The following CNTNAP2 variants were observed in gnomAD, a reference collection of about 807,000 sequenced individuals.
CNTNAP2 encodes contactin associated protein 2, also known as contactin-associated protein-like 2.
CNTNAP2 carries 98 observed loss-of-function variants against 155.2 expected under a neutral mutation model. That is an observed-to-expected ratio of 0.63 (90% CI 0.54 to 0.75). The LOEUF (loss-of-function observed/expected upper bound fraction) is 0.75, where lower values mean the gene tolerates loss of function less well. Among genes scored for constraint, CNTNAP2 ranks in the 30% least tolerant of loss-of-function variants. CNTNAP2 has a pLI of 0.00. For missense variants in CNTNAP2, 1,727 were observed against 1,688.1 expected (o/e 1.02, Z -0.40); for synonymous variants, 651 against 631.2 (o/e 1.03, Z -0.47).
At chr7:147,860,061 G>A (rs546571831) in intron 13 of CNTNAP2, among the ~76,000 whole-genome samples, 5 of 152,186 alleles carry the variant, frequency 3.3e-5, no homozygotes, top group South Asian at 2.1e-4. Flanking sequence ...AGGTGATTGG[G>A]TCATGGGGGC....
chr7:146,567,152 T>C (rs1798369780), intron 1 of CNTNAP2, among the ~76,000 whole-genome samples: 1 of 152,184 alleles, frequency 6.6e-6, no homozygotes, highest in African/African-American at 2.4e-5. Context: ...ATAAACAGTA[T>C]AGGAACAACA....
chr7:148,216,776 T>C (rs1171206635), intron 18 of CNTNAP2, among the ~76,000 whole-genome samples: 1 of 152,228 alleles, frequency 6.6e-6, no homozygotes, highest in Non-Finnish European at 1.5e-5. Context: ...GTAGTTCCCA[T>C]AATCCCCTCA....
At chr7:146,753,698 C>G (rs1443006314) in intron 1 of CNTNAP2, among the ~76,000 whole-genome samples, 1 of 151,938 alleles carries the variant, frequency 6.6e-6, no homozygotes, top group Admixed American at 6.6e-5. Context: ...TCTTGGTATT[C>G]AAACCATTTT....
At chr7:148,214,176 T>G (rs1307403625) in intron 18 of CNTNAP2, among the ~76,000 whole-genome samples, 2 of 152,214 alleles carry the variant, frequency 1.3e-5, no homozygotes, top group Non-Finnish European at 2.9e-5. Context: ...CTCTGCATTC[T>G]AATAATCTGT....
intron 15 of CNTNAP2, among the ~76,000 whole-genome samples, chr7:148,097,992 C>G (rs1002732660): frequency 6.6e-6 from 1 of 151,980 alleles, no homozygotes; most frequent in Non-Finnish European, 1.5e-5. Context: ...AGAGAATGAC[C>G]AAAGATGACT....
At chr7:146,755,085 G>A (rs998231075) in intron 1 of CNTNAP2, among the ~76,000 whole-genome samples, 2 of 151,894 alleles carry the variant, frequency 1.3e-5, no homozygotes, top group Non-Finnish European at 2.9e-5. Context: ...CTCCTGCAAT[G>A]GGATTGATTT....
At chr7:146,504,313 C>A (rs1034335735) in intron 1 of CNTNAP2, among the ~76,000 whole-genome samples, 5 of 152,302 alleles carry the variant, frequency 3.3e-5, no homozygotes, top group African/African-American at 1.2e-4. Flanking sequence ...AGGCCAGAGC[C>A]CAGAGACACC....
At chr7:147,985,502 A>T (rs1219213236) in intron 15 of CNTNAP2, among the ~76,000 whole-genome samples, 2 of 134,298 alleles carry the variant, frequency 1.5e-5, no homozygotes, top group Admixed American at 8.8e-5. Context: ...ACTTACTCTT[A>T]CATGAAGGGC....
In CNTNAP2 at chr7:148,163,138, T is replaced by C. The variant is rs1056364445; in HGVS notation, c.2774-9104T>C. Among the ~76,000 whole-genome samples, 11 of 152,320 alleles carry C rather than the reference T, an allele frequency of 7.2e-5. 1 individual carries two copies. The highest frequency in any genetic ancestry group is 5.9e-4 in the Admixed American group (9 of 15,304). On this transcript the variant is annotated intron_variant, in intron 17 of 23. Transcript: ENST00000361727. ...TCAGACGTAGGAGAAGAAAGTGCCT[T>C]ATATGATGTAAGCCCAAAAATCAAA...
intron 18 of CNTNAP2, among the ~76,000 whole-genome samples, chr7:148,186,589 C>T (rs1238940747): frequency 6.6e-6 from 1 of 152,288 alleles, no homozygotes; most frequent in African/African-American, 2.4e-5. Flanking sequence ...TCATCCTGAA[C>T]CATCATCTCT....
At chr7:147,814,575 C>T (rs1364490942) in intron 13 of CNTNAP2, among the ~76,000 whole-genome samples, 1 of 152,156 alleles carries the variant, frequency 6.6e-6, no homozygotes, top group Admixed American at 6.5e-5. Flanking sequence ...CCCTTTAAAA[C>T]CTTCATTTTA....
intron 11 of CNTNAP2, among the ~76,000 whole-genome samples, chr7:147,499,747 T>A (rs539133298): frequency 6.6e-6 from 1 of 151,206 alleles, no homozygotes; most frequent in Admixed American, 6.6e-5. Flanking sequence ...GTTAGGAGAG[T>A]GGGTGGGGAG....
At chr7:146,886,640 A>G (rs182924186) in intron 3 of CNTNAP2, among the ~76,000 whole-genome samples, 16 of 151,876 alleles carry the variant, frequency 1.1e-4, no homozygotes, top group African/African-American at 3.4e-4. Context: ...AGGCATTTCA[A>G]ATTTTGTAAC....
At chr7:147,365,782 T>A (rs2116904652) in intron 9 of CNTNAP2, among the ~76,000 whole-genome samples, 1 of 152,356 alleles carries the variant, frequency 6.6e-6, no homozygotes, top group Middle Eastern at 3.4e-3. Context: ...AGTCACCCAC[T>A]GTTTCCCATT....
intron 15 of CNTNAP2, among the ~76,000 whole-genome samples, chr7:148,104,516 G>A (rs1804169799): frequency 6.6e-6 from 1 of 152,204 alleles, no homozygotes; most frequent in Non-Finnish European, 1.5e-5. Context: ...CAGTGGTGGA[G>A]TGTAGCTAAA....
intron 8 of CNTNAP2, among the ~76,000 whole-genome samples, chr7:147,261,112 C>T (rs917548376): frequency 8.5e-5 from 13 of 152,218 alleles, no homozygotes; most frequent in African/African-American, 2.7e-4. Flanking sequence ...TAATATTATG[C>T]TTCTAGCTTT....
intron 10 of CNTNAP2, among the ~76,000 whole-genome samples, chr7:147,477,921 TA>T (rs1280523911): frequency 6.6e-6 from 1 of 152,252 alleles, no homozygotes; most frequent in African/African-American, 2.4e-5. Context: ...ATGTAATAAT[TA>T]ATACATTTTG....
At chr7:147,286,542 T>C (rs893499472) in intron 8 of CNTNAP2, among the ~76,000 whole-genome samples, 1 of 152,044 alleles carries the variant, frequency 6.6e-6, no homozygotes, top group Non-Finnish European at 1.5e-5. Flanking sequence ...GAAATGATAA[T>C]ATATGCATTA....
At chr7:146,717,099 G>C (rs1801201893) in intron 1 of CNTNAP2, among the ~76,000 whole-genome samples, 1 of 152,070 alleles carries the variant, frequency 6.6e-6, no homozygotes, top group East Asian at 1.9e-4. Flanking sequence ...ATTTCCTTAA[G>C]AGAGGTTATA....
Sources: allele counts gnomAD v4.1 joint callset (sites outside exome capture counted in the v4.1 genomes callset), GRCh38; gene constraint gnomAD v4.1.1; transcripts MANE v1.5; gene names NCBI Gene and HGNC (gene_info 2026-07-23, HGNC 2026-07-21).